PTPRN2: variants seen among roughly 807,000 people sequenced by gnomAD.
PTPRN2 encodes the protein receptor-type tyrosine-protein phosphatase N2.
Under a neutral mutation model 118.8 loss-of-function variants are expected in PTPRN2, and 74 were observed. The ratio of observed to expected loss-of-function variants is 0.62; its 90% CI spans 0.52 to 0.76. The LOEUF (loss-of-function observed/expected upper bound fraction) is 0.76. Among genes scored for constraint, PTPRN2 ranks in the 30% least tolerant of loss-of-function variants. The pLI is 0.00. For missense variants in PTPRN2, 1,481 were observed against 1,394.4 expected (o/e 1.06, Z -0.99); for synonymous variants, 641 against 608.0 (o/e 1.05, Z -0.80).
intron 12 of PTPRN2, among the ~76,000 whole-genome samples, chr7:157,879,914 T>TTTGTTACCATGA (rs1172512037): frequency 6.6e-6 from 1 of 151,476 alleles, no homozygotes; most frequent in African/African-American, 2.4e-5. Flanking sequence ...CAAATATGAA[T>TTTGTTACCATGA]ATTTATTACC....
intron 11 of PTPRN2, among the ~76,000 whole-genome samples, chr7:157,920,013 G>A (rs1435784918): frequency 2.6e-5 from 4 of 152,128 alleles, no homozygotes; most frequent in Non-Finnish European, 5.9e-5. Context: ...GCCTAGCAGC[G>A]CTGTCCCATA....
intron 11 of PTPRN2, among the ~76,000 whole-genome samples, chr7:157,967,575 G>C (rs1340896617): frequency 6.6e-6 from 1 of 152,162 alleles, no homozygotes; most frequent in African/African-American, 2.4e-5. Context: ...GGCTGAGAGG[G>C]CTGTGTGTCC....
chr7:157,960,156 G>A (rs1476452152), intron 11 of PTPRN2, among the ~76,000 whole-genome samples: 1 of 151,562 alleles, frequency 6.6e-6, no homozygotes, highest in Middle Eastern at 3.4e-3. Flanking sequence ...AAAGTGGAAC[G>A]GTGGGTACCA....
intron 9 of PTPRN2, among the ~76,000 whole-genome samples, chr7:158,120,506 G>T (rs1035146539): frequency 6.6e-6 from 1 of 152,126 alleles, no homozygotes; most frequent in African/African-American, 2.4e-5. Flanking sequence ...GGAGAAAGCT[G>T]AGCCAAGTTC....
At chr7:157,913,767 T>C (rs1327667271) in intron 11 of PTPRN2, among the ~76,000 whole-genome samples, 1 of 152,244 alleles carries the variant, frequency 6.6e-6, no homozygotes, top group Non-Finnish European at 1.5e-5. Flanking sequence ...TTTACACCTA[T>C]GTTTTTGAGG....
intron 11 of PTPRN2, among the ~76,000 whole-genome samples, chr7:157,916,047 T>C (rs1410065622): frequency 6.6e-6 from 1 of 152,234 alleles, no homozygotes; most frequent in Non-Finnish European, 1.5e-5. Context: ...GATTTTATAT[T>C]ATGCTAAATA....
Position 157,635,007 on chromosome 7 carries a change from C to T in PTPRN2, c.2197-13498G>A, listed in dbSNP as rs948139088. 3.9e-5 allele frequency among the ~76,000 whole-genome samples: 6 copies of T among 152,222 alleles called. 1 individual carries two copies. Among genetic ancestry groups the T allele is most frequent in the Admixed American group, 2.0e-4 (3 of 15,286 alleles). Reference sequence around the variant, plus strand: ...CTCGAGTGTGACGTTAAGTCCAGAACACACGTGAAGGACGGCACACTGGTC... The same window carrying T: ...CTCGAGTGTGACGTTAAGTCCAGAATACACGTGAAGGACGGCACACTGGTC... On this transcript the variant is annotated intron_variant, in intron 14 of 22. Coordinates refer to ENST00000389418, the MANE Select transcript of PTPRN2 (RefSeq NM_002847.5).
chr7:158,462,598 T>G (rs775861689), intron 2 of PTPRN2, among the ~76,000 whole-genome samples: 17 of 152,192 alleles, frequency 1.1e-4, no homozygotes, highest in Non-Finnish European at 2.1e-4. Context: ...TTTACTGCCT[T>G]AAAACTAAGA....
At chr7:158,256,853 G>C (rs1797054247) in intron 3 of PTPRN2, among the ~76,000 whole-genome samples, 2 of 152,270 alleles carry the variant, frequency 1.3e-5, no homozygotes, top group South Asian at 4.2e-4. Context: ...AGAAATTGTG[G>C]AATAATCAAA....
rs62476420 is a variant in PTPRN2, at chr7:157,809,420, G to A, written c.1788+89253C>T. Reference sequence around the variant, plus strand: ...GAAGGAGCCCCGCGCCACCCCCGCCGTGTGAGCTCCCGCGTAGGCCCAGGG... The same window carrying A: ...GAAGGAGCCCCGCGCCACCCCCGCCATGTGAGCTCCCGCGTAGGCCCAGGG... On this transcript the variant is annotated intron_variant, in intron 12 of 22. Coordinates refer to ENST00000389418, the MANE Select transcript of PTPRN2 (RefSeq NM_002847.5). Among the ~76,000 whole-genome samples, 758 of 152,344 alleles carry A rather than the reference G, an allele frequency of 5.0e-3. 23 individuals carry two copies. In the East Asian group the frequency reaches 0.098, roughly 20 times the overall value.
chr7:158,495,794 G>A (rs2075822187), intron 1 of PTPRN2, among the ~76,000 whole-genome samples: 1 of 152,192 alleles, frequency 6.6e-6, no homozygotes, highest in African/African-American at 2.4e-5. Context: ...GCTGGGCGTG[G>A]GAGGACAGAG....
intron 6 of PTPRN2, among the ~76,000 whole-genome samples, chr7:158,141,885 A>C (rs766247736): frequency 6.6e-6 from 1 of 152,200 alleles, no homozygotes; most frequent in Non-Finnish European, 1.5e-5. Context: ...CTTTAAAGTC[A>C]ATCTGTACAC....
intron 11 of PTPRN2, among the ~76,000 whole-genome samples, chr7:158,001,386 A>T (rs887105645): frequency 1.3e-5 from 2 of 152,124 alleles, no homozygotes; most frequent in African/African-American, 4.8e-5. Context: ...ACGTGCAAAG[A>T]ATGGGAAGCT....
chr7:157,798,221 T>G (rs944822220), intron 12 of PTPRN2, among the ~76,000 whole-genome samples: 15 of 152,190 alleles, frequency 9.9e-5, no homozygotes, highest in African/African-American at 3.6e-4. Context: ...ATCGTGCCAC[T>G]GCACTCCAGC....
intron 11 of PTPRN2, among the ~76,000 whole-genome samples, chr7:158,053,924 CCAGAGACG>C (rs1435784694): frequency 5.3e-5 from 8 of 151,024 alleles, no homozygotes; most frequent in African/African-American, 2.0e-4. Context: ...TGCAGAGACT[CCAGAGACG>C]CAGAGACTCC....
At chr7:158,209,138 A>T (rs1240213577) in intron 3 of PTPRN2, among the ~76,000 whole-genome samples, 2 of 152,136 alleles carry the variant, frequency 1.3e-5, no homozygotes, top group Non-Finnish European at 2.9e-5. Context: ...GGAAAGAAAT[A>T]AGAAAGAGAA....
intron 6 of PTPRN2, among the ~76,000 whole-genome samples, chr7:158,142,886 TCA>T (rs1167188362): frequency 1.3e-5 from 2 of 152,192 alleles, no homozygotes; most frequent in Non-Finnish European, 2.9e-5. Flanking sequence ...TCACGTTGTT[TCA>T]CAGAGAAGAT....
rs1267608811 is a variant in PTPRN2, at chr7:157,550,289, G to A, written c.2903-1270C>T. ...TCCCAGCAGGGTAGCAGGTGCCTGC[G>A]AAGCACCTCCAAGTCACAGCAGGTG... On this transcript the variant is annotated intron_variant, in intron 21 of 22. Transcript: ENST00000389418. This position sits in a 1 kb window ranked among gnomAD's most constrained non-coding sequence, Gnocchi z 5.2. Among the ~76,000 whole-genome samples, 2 of 151,092 alleles carry A rather than the reference G, an allele frequency of 1.3e-5. No individual in the cohort carries two copies. The highest frequency in any genetic ancestry group is 2.1e-4 in the South Asian group (1 of 4,824).
chr7:157,786,355 T>C (rs1804037398), intron 12 of PTPRN2, among the ~76,000 whole-genome samples: 1 of 152,256 alleles, frequency 6.6e-6, no homozygotes, highest in Admixed American at 6.5e-5. Flanking sequence ...TGAATTGTTA[T>C]AAAGTTTAAG....
Sources: allele counts gnomAD v4.1 joint callset (sites outside exome capture counted in the v4.1 genomes callset), GRCh38; gene constraint gnomAD v4.1.1; non-coding constraint Gnocchi (gnomAD v3.1); transcripts MANE v1.5; gene names NCBI Gene and HGNC (gene_info 2026-07-23, HGNC 2026-07-21).